The following AFF3 variants were observed in gnomAD, a reference collection of about 807,000 sequenced individuals.
AFF3 encodes AF4/FMR2 family member 3.
Under a neutral mutation model 129.7 loss-of-function variants are expected in AFF3, and 32 were observed. The observed-to-expected ratio is 0.25, with a 90% confidence interval of 0.19 to 0.33. The LOEUF is 0.33. AFF3 is among the 10% of genes least tolerant of loss of function. The probability of loss-of-function intolerance (pLI) is 1.00; values close to 1 mark genes in which losing one functional copy is unlikely to be tolerated. For synonymous variants in AFF3, 644 were observed against 635.4 expected (o/e 1.01, Z -0.20); for missense variants, 1,373 against 1,592.0 (o/e 0.86, Z 2.34).
At chr2:100,016,713 ATGG>A (rs1368894740) in intron 4 of AFF3, among the ~76,000 whole-genome samples, 1 of 137,520 alleles carries the variant, frequency 7.3e-6, no homozygotes, top group African/African-American at 2.8e-5. Context: ...AGTGGCGGTG[ATGG>A]TGGTAGCGAT....
At chr2:99,701,329 C>A (rs546999280) in intron 11 of AFF3, among the ~76,000 whole-genome samples, 2 of 152,102 alleles carry the variant, frequency 1.3e-5, no homozygotes, top group East Asian at 3.9e-4. Context: ...AACGTCTCTT[C>A]GGTACCTCAT....
At chr2:100,067,631 C>T (rs1687835943) in intron 4 of AFF3, among the ~76,000 whole-genome samples, 1 of 152,054 alleles carries the variant, frequency 6.6e-6, no homozygotes, top group Non-Finnish European at 1.5e-5. Flanking sequence ...ATTAATAATG[C>T]ACACTAGCAT....
At chr2:99,922,765 A>G (rs1352744990) in intron 7 of AFF3, among the ~76,000 whole-genome samples, 1 of 152,176 alleles carries the variant, frequency 6.6e-6, no homozygotes, top group Non-Finnish European at 1.5e-5. Flanking sequence ...CTTCTCAAGT[A>G]AACATTTGAG....
chr2:100,024,524 C>T (rs6754099), intron 4 of AFF3, among the ~76,000 whole-genome samples: 58,497 of 151,472 alleles, frequency 0.39, 11,591 homozygotes, highest in Middle Eastern at 0.47. Context: ...AGGAGAATTG[C>T]CTGAACCCAG....
chr2:99,890,877 G>T (rs1000933733), intron 7 of AFF3, among the ~76,000 whole-genome samples: 1 of 152,116 alleles, frequency 6.6e-6, no homozygotes, highest in Non-Finnish European at 1.5e-5. Context: ...CCCCAGGCTG[G>T]TGTCTTCTGA....
Position 99,686,124 on chromosome 2 carries a change from A to T in AFF3, c.1092-13535T>A, listed in dbSNP as rs1437011125. The stretch of plus-strand genomic sequence containing the variant: ...AGAATGGCATGAACCCAGGAGGTGG[A>T]GGTTGCTATGAGCCGAGATTGCGCC... On this transcript the variant is annotated intron_variant, in intron 11 of 24. Coordinates refer to ENST00000672756, the MANE Select transcript of AFF3 (RefSeq NM_001386135.1). Among the ~76,000 whole-genome samples the T allele has an allele frequency of 2.0e-5, 3 of 152,128 alleles. No individual in the cohort carries two copies. The East Asian group carries it at 5.8e-4, about 29-fold the overall frequency.
intron 7 of AFF3, among the ~76,000 whole-genome samples, chr2:99,890,418 T>C (rs1693459460): frequency 6.6e-6 from 1 of 152,210 alleles, no homozygotes; most frequent in South Asian, 2.1e-4. Context: ...TCATCAGAAA[T>C]GCAATTAAAA....
At chr2:99,846,464 A>G (rs1689735480) in intron 7 of AFF3, among the ~76,000 whole-genome samples, 1 of 152,234 alleles carries the variant, frequency 6.6e-6, no homozygotes, top group South Asian at 2.1e-4. Context: ...AATTCCATTT[A>G]TATGATCTAA....
At chr2:100,107,622 T>C in intron 2 of AFF3, 5 of 549,344 alleles carry the variant, frequency 9.1e-6, no homozygotes, top group Non-Finnish European at 1.2e-5. Context: ...ACCACCCAGC[T>C]AAGGGGAGGG....
chr2:99,628,396 GCAT>G (rs2105365418), intron 13 of AFF3, among the ~76,000 whole-genome samples: 1 of 152,056 alleles, frequency 6.6e-6, no homozygotes, highest in South Asian at 2.1e-4. Context: ...AGTGATTTTT[GCAT>G]GTTGATTTTA....
intron 11 of AFF3, among the ~76,000 whole-genome samples, chr2:99,690,527 A>G (rs1290084737): frequency 6.6e-6 from 1 of 152,106 alleles, no homozygotes; most frequent in Non-Finnish European, 1.5e-5. Context: ...TTTAAAAACA[A>G]AGGAATGGTT....
chr2:99,811,417 TTGG>T lies in AFF3; in HGVS notation c.921+26057_921+26059del, dbSNP rs557510787. Among the ~76,000 whole-genome samples the T allele has an allele frequency of 7.0e-3, 1,059 of 152,216 alleles. 11 individuals carry two copies. The highest frequency in any genetic ancestry group is 0.025 in the African/African-American group (1,025 of 41,524). On this transcript the variant is annotated intron_variant, in intron 8 of 24. Coordinates refer to ENST00000672756, the MANE Select transcript of AFF3 (RefSeq NM_001386135.1). ...GAGTAAACTGAGGCACAGAGGTTTTTTGGTTTTTTTTTCCCTTAAGGACAGAAA... is the reference window on the plus strand; with the variant it reads ...GAGTAAACTGAGGCACAGAGGTTTTTTTTTTTTTTCCCTTAAGGACAGAAA...
intron 9 of AFF3, among the ~76,000 whole-genome samples, chr2:99,750,883 C>T (rs6741990): frequency 0.74 from 112,302 of 152,080 alleles, 42,330 homozygotes; most frequent in East Asian, 0.92. Context: ...TGAAAGGAAT[C>T]TGATTAAATT....
chr2:99,886,893 C>A (rs113354098), intron 7 of AFF3, among the ~76,000 whole-genome samples: 90 of 151,974 alleles, frequency 5.9e-4, no homozygotes, highest in African/African-American at 2.1e-3. Flanking sequence ...TTTAGGAAAA[C>A]CATGTTTAAA....
intron 7 of AFF3, among the ~76,000 whole-genome samples, chr2:99,857,655 C>T (rs1004131962): frequency 7.9e-5 from 12 of 152,178 alleles, no homozygotes; most frequent in African/African-American, 2.9e-4. Context: ...AGATCAACTT[C>T]CTGTGTCTGA....
chr2:99,916,446 G>C (rs1234479097), intron 7 of AFF3, among the ~76,000 whole-genome samples: 1 of 152,118 alleles, frequency 6.6e-6, no homozygotes, highest in East Asian at 1.9e-4. Flanking sequence ...CTCCTGCCAT[G>C]TCCGCAACAC....
At chr2:99,990,942 T>C (rs1680282748) in intron 7 of AFF3, among the ~76,000 whole-genome samples, 1 of 152,132 alleles carries the variant, frequency 6.6e-6, no homozygotes, top group African/African-American at 2.4e-5. Flanking sequence ...GACCACAGTT[T>C]AGATGCTGAA....
intron 11 of AFF3, among the ~76,000 whole-genome samples, chr2:99,694,079 G>A (rs1345532802): frequency 1.3e-5 from 2 of 151,890 alleles, no homozygotes; most frequent in Non-Finnish European, 2.9e-5. Flanking sequence ...CACCACACTC[G>A]GCTAATTTTT....
chr2:99,842,443 T>C (rs1689387468), intron 7 of AFF3, among the ~76,000 whole-genome samples: 1 of 152,210 alleles, frequency 6.6e-6, no homozygotes, highest in Non-Finnish European at 1.5e-5. Flanking sequence ...AATTACTCTG[T>C]ATTTTTTGAC....
Sources: gnomAD v4.1 joint callset for allele counts (sites outside exome capture counted in the v4.1 genomes callset) on GRCh38, gnomAD v4.1.1 for gene constraint, MANE v1.5 for transcripts, NCBI Gene and HGNC (gene_info 2026-07-23, HGNC 2026-07-21) for gene names.